The following CTNNA3 variants were observed in gnomAD, a reference collection of about 807,000 sequenced individuals.
CTNNA3 encodes the protein catenin alpha-3.
CTNNA3 carries 76 observed loss-of-function variants against 95.7 expected under a neutral mutation model. That is an observed-to-expected ratio of 0.79 (90% CI 0.66 to 0.96). CTNNA3 has a LOEUF of 0.96. Among genes scored for constraint, CTNNA3 ranks in the 40% least tolerant of loss-of-function variants. The pLI, the probability that CTNNA3 is intolerant of heterozygous loss-of-function variation, is 0.00. For missense variants in CTNNA3, 1,191 were observed against 1,089.8 expected, an observed-to-expected ratio of 1.09 and a Z score of -1.31; for synonymous variants, 431 against 374.4, an observed-to-expected ratio of 1.15 and a Z score of -1.74.
intron 3 of CTNNA3, among the ~76,000 whole-genome samples, chr10:67,580,992 T>C (rs1842372648): frequency 1.3e-5 from 2 of 152,190 alleles, no homozygotes; most frequent in South Asian, 2.1e-4. Context: ...TATACAATCA[T>C]GTCATCTGCA....
chr10:66,212,146 C>A (rs10996978), intron 13 of CTNNA3, among the ~76,000 whole-genome samples: 1 of 151,716 alleles, frequency 6.6e-6, no homozygotes, highest in African/African-American at 2.4e-5. Context: ...CCCGCCACCA[C>A]GCCTGGCTAA....
At chr10:67,148,343 T>C (rs982549099) in intron 7 of CTNNA3, among the ~76,000 whole-genome samples, 2 of 152,216 alleles carry the variant, frequency 1.3e-5, no homozygotes, top group South Asian at 4.1e-4. Context: ...TGAACTAATA[T>C]ACTTCTCCAT....
chr10:66,067,345 A>G (rs2080334140), intron 15 of CTNNA3, among the ~76,000 whole-genome samples: 1 of 152,204 alleles, frequency 6.6e-6, no homozygotes, highest in Admixed American at 6.5e-5. Context: ...TGTTCAGAGA[A>G]GCCAAGAAAA....
chr10:67,700,495 C>T (rs1194713301), upstream of CTNNA3, among the ~76,000 whole-genome samples: 11 of 152,212 alleles, frequency 7.2e-5, no homozygotes, highest in Non-Finnish European at 1.5e-5. Flanking sequence ...GCAATCTCCG[C>T]TGCTGATATC....
chr10:66,265,793 T>A (rs1352646312), intron 13 of CTNNA3, among the ~76,000 whole-genome samples: 1 of 152,030 alleles, frequency 6.6e-6, no homozygotes. Context: ...TTTCTTTTCA[T>A]CATATCATCC....
At chr10:66,019,348 T>C (rs1304451017) in intron 15 of CTNNA3, among the ~76,000 whole-genome samples, 1 of 152,134 alleles carries the variant, frequency 6.6e-6, no homozygotes, top group Non-Finnish European at 1.5e-5. Flanking sequence ...TCACTGTAAT[T>C]AAGTATACAT....
At chr10:67,204,803 A>G (rs1863817937) in intron 6 of CTNNA3, among the ~76,000 whole-genome samples, 1 of 151,472 alleles carries the variant, frequency 6.6e-6, no homozygotes, top group Non-Finnish European at 1.5e-5. Flanking sequence ...TCTCCTTGAA[A>G]ATTCAGAGGC....
chr10:66,220,948 A>G (rs1182901839), intron 13 of CTNNA3, among the ~76,000 whole-genome samples: 4 of 152,202 alleles, frequency 2.6e-5, no homozygotes, highest in African/African-American at 7.2e-5. Context: ...ACAGGGATGT[A>G]AAGTTCTCAC....
intron 7 of CTNNA3, among the ~76,000 whole-genome samples, chr10:66,978,552 A>AAAAAAAAT: frequency 7.9e-5 from 3 of 37,884 alleles, no homozygotes; most frequent in African/African-American, 1.7e-4. Context: ...AAAAAAAAAA[A>AAAAAAAAT]ATATATATAT....
At chr10:67,657,451 G>A (rs1157591251) in intron 1 of CTNNA3, among the ~76,000 whole-genome samples, 1 of 152,140 alleles carries the variant, frequency 6.6e-6, no homozygotes, top group African/African-American at 2.4e-5. Context: ...GTCCACTATT[G>A]CAAGTGAATG....
intron 13 of CTNNA3, among the ~76,000 whole-genome samples, chr10:66,230,391 T>C (rs752951153): frequency 6.6e-6 from 1 of 152,164 alleles, no homozygotes; most frequent in African/African-American, 2.4e-5. Flanking sequence ...GTGGGTTGGA[T>C]AGAGTGCTTT....
At chr10:67,165,662 A>T (rs1441033206) in intron 7 of CTNNA3, among the ~76,000 whole-genome samples, 1 of 152,180 alleles carries the variant, frequency 6.6e-6, no homozygotes, top group Non-Finnish European at 1.5e-5. Flanking sequence ...AAGTTTTTTT[A>T]AAAATTTAGT....
chr10:66,444,979 A>G (rs2093407665), intron 11 of CTNNA3, among the ~76,000 whole-genome samples: 1 of 152,056 alleles, frequency 6.6e-6, no homozygotes, highest in Non-Finnish European at 1.5e-5. Flanking sequence ...ATGGAGGAAG[A>G]TCTACCAAGC....
intron 10 of CTNNA3, among the ~76,000 whole-genome samples, chr10:66,578,296 G>T: frequency 6.6e-6 from 1 of 151,656 alleles, no homozygotes; most frequent in Non-Finnish European, 1.5e-5. Context: ...TCTCTATTTG[G>T]ATGCCTTTTA....
At chr10:67,073,709 T>G (rs1289743407) in intron 7 of CTNNA3, among the ~76,000 whole-genome samples, 2 of 150,662 alleles carry the variant, frequency 1.3e-5, no homozygotes, top group East Asian at 3.9e-4. Flanking sequence ...GAACAAAAGA[T>G]CAAAAAAAAT....
At chr10:67,669,341 A>G (rs1315691103) in intron 1 of CTNNA3, among the ~76,000 whole-genome samples, 1 of 152,196 alleles carries the variant, frequency 6.6e-6, no homozygotes, top group Non-Finnish European at 1.5e-5. Context: ...AGATACAGAT[A>G]TAGTAACCTG....
intron 9 of CTNNA3, among the ~76,000 whole-genome samples, chr10:66,653,715 A>G (rs4633339): frequency 0.24 from 36,608 of 151,974 alleles, 5,630 homozygotes; most frequent in East Asian, 0.52. Context: ...CTACAAAGCT[A>G]TAGTAATCAA....
intron 10 of CTNNA3, among the ~76,000 whole-genome samples, chr10:66,619,289 T>G (rs1844651760): frequency 1.3e-5 from 2 of 151,160 alleles, no homozygotes; most frequent in South Asian, 4.2e-4. Flanking sequence ...CTATTCACAA[T>G]AGCAAAGACT....
intron 3 of CTNNA3, among the ~76,000 whole-genome samples, chr10:67,570,442 C>T (rs1191027205): frequency 6.6e-6 from 1 of 152,100 alleles, no homozygotes; most frequent in Non-Finnish European, 1.5e-5. Flanking sequence ...AATTTTTCTA[C>T]ATTAATACAT....
Sources: gnomAD v4.1 joint callset for allele counts (sites outside exome capture counted in the v4.1 genomes callset) on GRCh38, gnomAD v4.1.1 for gene constraint, MANE v1.5 for transcripts, NCBI Gene and HGNC (gene_info 2026-07-23, HGNC 2026-07-21) for gene names.